Variants in JPH3 observed in about 807,000 individuals in gnomAD.
JPH3 encodes junctophilin-3.
Under a neutral mutation model 59.6 loss-of-function variants are expected in JPH3, and 11 were observed. The ratio of observed to expected loss-of-function variants is 0.18; its 90% CI spans 0.12 to 0.31. The LOEUF (loss-of-function observed/expected upper bound fraction) is 0.31, where lower values mean the gene tolerates loss of function less well. Among genes scored for constraint, JPH3 ranks in the 10% least tolerant of loss-of-function variants. The probability of loss-of-function intolerance (pLI) is 1.00; values close to 1 mark genes in which losing one functional copy is unlikely to be tolerated. For synonymous variants in JPH3, 673 were observed against 483.6 expected (o/e 1.39, Z -5.14); for missense variants, 1,202 against 1,105.7 (o/e 1.09, Z -1.24).
chr16:87,682,289 T>C (rs1362620711), intron 2 of JPH3, among the ~76,000 whole-genome samples: 2 of 152,214 alleles, frequency 1.3e-5, no homozygotes, highest in African/African-American at 4.8e-5. Flanking sequence ...CCATCTTTCA[T>C]GAACAGTGTG....
chr16:87,656,442 G>A lies in JPH3; in HGVS notation c.1160+11407G>A, dbSNP rs1397077592. On this transcript the variant is annotated intron_variant, in intron 2 of 4. Transcript: ENST00000284262. ...GGCTTCAGCTTCCTGTGGGAATGGG[G>A]AGATGAGCCACGTTCTGCCCCGGTA... is the stretch of plus-strand genomic sequence containing the variant. Among the ~76,000 whole-genome samples the A allele has an allele frequency of 7.9e-5, 12 of 152,336 alleles. No homozygotes were observed. The East Asian group carries it at 2.3e-3, about 29-fold the overall frequency.
chr16:87,616,135 C>T (rs1010146113), intron 1 of JPH3, among the ~76,000 whole-genome samples: 6 of 150,476 alleles, frequency 4.0e-5, no homozygotes, highest in Non-Finnish European at 8.8e-5. Flanking sequence ...GAATTTTCTC[C>T]AGGGCCCGGG....
At chr16:87,606,181 C>T (rs2030513904) in intron 1 of JPH3, among the ~76,000 whole-genome samples, 1 of 152,190 alleles carries the variant, frequency 6.6e-6, no homozygotes, top group Non-Finnish European at 1.5e-5. Context: ...AGCCATGTCG[C>T]AGTGAGGAAG....
intron 1 of JPH3, among the ~76,000 whole-genome samples, chr16:87,640,804 A>G (rs1014947070): frequency 2.6e-5 from 4 of 152,220 alleles, no homozygotes; most frequent in Admixed American, 6.5e-5. Context: ...TGATGTGACA[A>G]CCCTGTCCAC....
At chr16:87,637,267 C>T (rs889241017) in intron 1 of JPH3, among the ~76,000 whole-genome samples, 1 of 152,168 alleles carries the variant, frequency 6.6e-6, no homozygotes, top group African/African-American at 2.4e-5. Context: ...GGGTTCTGAT[C>T]ATCAGCTCTA....
At chr16:87,657,292 G>C (rs1167085802) in intron 2 of JPH3, among the ~76,000 whole-genome samples, 1 of 152,234 alleles carries the variant, frequency 6.6e-6, no homozygotes, top group Non-Finnish European at 1.5e-5. Flanking sequence ...AAGTGATGCT[G>C]AGTGAAGGAA....
At position 87,604,364 on chromosome 16, in the gene JPH3, T is replaced by C. The variant is rs1484859095; in HGVS notation, c.382+836T>C. The C allele has an allele frequency of 2.1e-6, 3 of 1,444,852 alleles. No individual in the cohort carries two copies. The African/African-American group carries it at 4.3e-5, about 21-fold the overall frequency. The allele number at this position is 1,444,852 out of a possible 1,614,324, so 89.5% of individuals were successfully genotyped here. A position where few individuals can be genotyped will look rare whatever the true frequency, so the allele number is the denominator to read the frequency against. On this transcript the variant is annotated intron_variant, in intron 1 of 4. Transcript: ENST00000284262. Reference sequence around the variant, plus strand: ...TTCTGTGCAGGGAACCTTGGCCGGCTCTGCAGCTGCCCGCCTGCCTGGACT... The same window carrying C: ...TTCTGTGCAGGGAACCTTGGCCGGCCCTGCAGCTGCCCGCCTGCCTGGACT...
rs2033863611 is a variant in JPH3, at chr16:87,696,512, G to A, written c.2167-68G>A. 2.3e-6 allele frequency: 3 copies of A among 1,289,880 alleles called. No homozygotes were observed. The Admixed American group carries it at 5.1e-5, about 22-fold the overall frequency. The allele number at this position is 1,289,880 out of a possible 1,614,324, so 79.9% of individuals were successfully genotyped here. On this transcript the variant is annotated intron_variant, in intron 4 of 4. Coordinates refer to ENST00000284262, the MANE Select transcript of JPH3 (RefSeq NM_020655.4). ...CTAGCTTGGTGAAAAGACGTGGGTGGGAGGCGTGGTGGCCCAGGCAGAGCC... is the reference window on the plus strand; with the variant it reads ...CTAGCTTGGTGAAAAGACGTGGGTGAGAGGCGTGGTGGCCCAGGCAGAGCC...
At position 87,640,198 on chromosome 16, in the gene JPH3, G is replaced by A. The variant is rs570371729; in HGVS notation, c.383-4060G>A. Reference sequence around the variant, plus strand: ...AAAAAAATTAGCTGGGTGTGGTGGTGCATGCCTGTAGTCCCAGCTACTCAG... The same window carrying A: ...AAAAAAATTAGCTGGGTGTGGTGGTACATGCCTGTAGTCCCAGCTACTCAG... On this transcript the variant is annotated intron_variant, in intron 1 of 4. Coordinates refer to ENST00000284262, the MANE Select transcript of JPH3 (RefSeq NM_020655.4). Among the ~76,000 whole-genome samples the A allele has an allele frequency of 2.6e-5, 4 of 151,926 alleles. No homozygotes were observed. In the East Asian group the frequency reaches 6.0e-4, roughly 23 times the overall value.
At chr16:87,672,123 G>A (rs1407218394) in intron 2 of JPH3, among the ~76,000 whole-genome samples, 1 of 152,104 alleles carries the variant, frequency 6.6e-6, no homozygotes, top group Non-Finnish European at 1.5e-5. Flanking sequence ...GTGTGGGGGC[G>A]GGGGTGTGGG....
Position 87,690,435 on chromosome 16 carries a change from G to A in JPH3, c.2075G>A (p.Arg692His), listed in dbSNP as rs1319549514. The A allele has an allele frequency of 3.3e-6, 5 of 1,494,986 alleles. No individual in the cohort carries two copies. Among genetic ancestry groups the A allele is most frequent in the South Asian group, 1.4e-5 (1 of 71,798 alleles). The allele number at this position is 1,494,986 out of a possible 1,614,324, so 92.6% of individuals were successfully genotyped here. A position where few individuals can be genotyped will look rare whatever the true frequency, so the allele number is the denominator to read the frequency against. Residue 692 changes from arginine to histidine, a missense_variant, in exon 4 of 5, where the codon CGT (arginine) becomes CAT (histidine). Arg to His is a conservative substitution (Grantham distance 29). Transcript: ENST00000284262. ...GGCGGGGCCGAGCCCCGGTTGCTGCGTTGGGACTTGACCTTCTCCCCGCCC... is the reference window on the plus strand; with the variant it reads ...GGCGGGGCCGAGCCCCGGTTGCTGCATTGGGACTTGACCTTCTCCCCGCCC... Reference protein sequence around the residue: ...RLGGAEPRLLRWDLTFSPPQK... With the variant: ...RLGGAEPRLLHWDLTFSPPQK...
intron 2 of JPH3, among the ~76,000 whole-genome samples, chr16:87,678,935 T>G (rs762425002): frequency 1.3e-5 from 2 of 152,202 alleles, no homozygotes; most frequent in Non-Finnish European, 2.9e-5. Context: ...GGGGTGTGAC[T>G]TCTTGATTTT....
At chr16:87,649,614 CACA>C (rs1197664505) in intron 2 of JPH3, among the ~76,000 whole-genome samples, 1 of 152,192 alleles carries the variant, frequency 6.6e-6, no homozygotes, top group African/African-American at 2.4e-5. Context: ...GACCCTCTGC[CACA>C]ACAACTCTCA....
At chr16:87,639,740 C>T (rs2031881880) in intron 1 of JPH3, among the ~76,000 whole-genome samples, 1 of 152,108 alleles carries the variant, frequency 6.6e-6, no homozygotes, top group Non-Finnish European at 1.5e-5. Context: ...CTCCAGGGAC[C>T]CCAGGAGAGT....
At position 87,611,697 on chromosome 16, in the gene JPH3, A is replaced by G. The variant is rs2030737667; in HGVS notation, c.382+8169A>G. ...CTGAGTGTTACAAGAACCACCTGGA[A>G]GGTGTGTCAAGACACAGATTTCCAG... On this transcript the variant is annotated intron_variant, in intron 1 of 4. Coordinates refer to ENST00000284262, the MANE Select transcript of JPH3 (RefSeq NM_020655.4). This position sits in a 1 kb window ranked among gnomAD's most constrained non-coding sequence, Gnocchi z 4.5. 1.3e-5 allele frequency among the ~76,000 whole-genome samples: 2 copies of G among 152,100 alleles called. No homozygotes were observed. Among genetic ancestry groups the G allele is most frequent in the African/African-American group, 2.4e-5 (1 of 41,418 alleles).
At position 87,693,785 on chromosome 16, in the gene JPH3, C is replaced by T. The variant is rs562238657; in HGVS notation, c.2167-2795C>T. 5 of 152,672 alleles carry T rather than the reference C, an allele frequency of 3.3e-5. 1 individual carries two copies. The highest frequency in any genetic ancestry group is 3.3e-4 in the Admixed American group (5 of 15,308). The allele number at this position is 152,672 out of a possible 1,614,324, so 9.5% of individuals were successfully genotyped here. A position where few individuals can be genotyped will look rare whatever the true frequency, so the allele number is the denominator to read the frequency against. ...GCCCAGCATACAGTCGGGGGTGCCC[C>T]TGCCAGGTGTGGTGCAGAGCACGGC... On this transcript the variant is annotated intron_variant, in intron 4 of 4. Coordinates refer to ENST00000284262, the MANE Select transcript of JPH3 (RefSeq NM_020655.4).
rs879114912 is a variant in JPH3 at position 87,644,722 on chromosome 16, A to G, written c.847A>G (p.Thr283Ala). Residue 283 changes from threonine (T) to alanine (A), a missense_variant, in exon 2 of 5, where the codon ACC (threonine) becomes GCC (alanine). By Grantham distance (58) the Thr-to-Ala change is moderately conservative. Transcript: ENST00000284262. Reference protein sequence around the residue: ...LAVIEDDIDATTTETYVGEWK... With the variant: ...LAVIEDDIDAATTETYVGEWK... ...GGTCATCGAGGACGACATCGACGCC[A>G]CCACCACCGAGACCTACGTGGGCGA... is the stretch of plus-strand genomic sequence containing the variant. 1 of 1,602,604 alleles carries G rather than the reference A, an allele frequency of 6.2e-7. No individual in the cohort carries two copies. The highest frequency in any genetic ancestry group is 1.7e-5 in the Admixed American group (1 of 59,238).
chr16:87,691,987 C>A (rs1223930805), intron 4 of JPH3, among the ~76,000 whole-genome samples: 2 of 152,122 alleles, frequency 1.3e-5, no homozygotes, highest in African/African-American at 4.8e-5. Context: ...GGTCAATGCA[C>A]AAGCTGGGGA....
intron 2 of JPH3, among the ~76,000 whole-genome samples, chr16:87,671,269 C>A (rs62053823): frequency 0.061 from 9,280 of 152,244 alleles, 365 homozygotes; most frequent in Non-Finnish European, 0.087. Flanking sequence ...CCACCTGGCC[C>A]CTTCGTCACC....
Sources: allele counts gnomAD v4.1 joint callset (sites outside exome capture counted in the v4.1 genomes callset), GRCh38; gene constraint gnomAD v4.1.1; non-coding constraint Gnocchi (gnomAD v3.1); transcripts MANE v1.5; gene names NCBI Gene and HGNC (gene_info 2026-07-23, HGNC 2026-07-21).